The following TMTC4 variants were observed in gnomAD, a reference collection of about 807,000 sequenced individuals.
The protein encoded by TMTC4 is transmembrane O-mannosyltransferase targeting cadherins 4.
A neutral mutation model predicts 86.0 loss-of-function variants in TMTC4; 65 were observed. The observed-to-expected ratio is 0.76, with a 90% confidence interval of 0.62 to 0.93. TMTC4 has a LOEUF of 0.93. Among genes scored for constraint, TMTC4 ranks in the 40% least tolerant of loss-of-function variants. The probability of loss-of-function intolerance (pLI) is 0.00; values close to 1 mark genes in which losing one functional copy is unlikely to be tolerated. For synonymous variants in TMTC4, 379 were observed against 382.5 expected (o/e 0.99, Z 0.11); for missense variants, 866 against 948.1 (o/e 0.91, Z 1.14).
chr13:100,611,832 T>C (rs1877630827), intron 17 of TMTC4, among the ~76,000 whole-genome samples: 1 of 152,200 alleles, frequency 6.6e-6, no homozygotes, highest in Non-Finnish European at 1.5e-5. Flanking sequence ...TTGTGGTTTT[T>C]GTTGGTCAGA....
At chr13:100,623,944 G>C (rs1264253228) in intron 15 of TMTC4, 2 of 468,644 alleles carry the variant, frequency 4.3e-6, no homozygotes, top group African/African-American at 4.0e-5. Flanking sequence ...GCTGTCTTTG[G>C]GGGTAGTACA....
At chr13:100,674,219 G>C (rs1323870362) in intron 1 of TMTC4, 15 of 981,454 alleles carry the variant, frequency 1.5e-5, no homozygotes, top group African/African-American at 1.8e-5. Flanking sequence ...CTCCGCAGCC[G>C]AGCGTGGAGT....
chr13:100,659,075 A>G (rs1027957686), intron 5 of TMTC4, among the ~76,000 whole-genome samples: 1 of 152,164 alleles, frequency 6.6e-6, no homozygotes, highest in African/African-American at 2.4e-5. Flanking sequence ...TGAAACACTC[A>G]GAGTTTTCTG....
intron 15 of TMTC4, among the ~76,000 whole-genome samples, chr13:100,615,303 A>C (rs1033250152): frequency 1.3e-5 from 2 of 150,858 alleles, no homozygotes; most frequent in Admixed American, 6.6e-5. Context: ...ATGCCCGGCA[A>C]ATTTTTTCTA....
intron 15 of TMTC4, chr13:100,625,161 ATT>A (rs1880262127): frequency 4.4e-6 from 1 of 227,116 alleles, no homozygotes; most frequent in Non-Finnish European, 8.9e-6. Context: ...CATACTACGG[ATT>A]TGTTACTTTA....
At chr13:100,664,748 C>G (rs542122976) in intron 3 of TMTC4, among the ~76,000 whole-genome samples, 3 of 152,294 alleles carry the variant, frequency 2.0e-5, no homozygotes, top group Admixed American at 2.0e-4. Flanking sequence ...CTGAGCTGAT[C>G]CCATCCCTCT....
Position 100,626,169 on chromosome 13 carries a change from T to C in TMTC4, c.1507-19A>G, listed in dbSNP as rs766450233. On this transcript the variant is annotated intron_variant, in intron 12 of 18. Coordinates refer to ENST00000342624, the MANE Select transcript of TMTC4 (RefSeq NM_032813.5). ...AGTGAACCTGCAGACAGAGAATAAT[T>C]GGGCCATCAGCAGACAGACTTCTTG... is the stretch of plus-strand genomic sequence containing the variant. 1 of 1,613,396 alleles carries C rather than the reference T, an allele frequency of 6.2e-7. No homozygotes were observed. The highest frequency in any genetic ancestry group is 2.2e-5 in the East Asian group (1 of 44,870).
At chr13:100,673,590 C>T (rs1484071463) in intron 1 of TMTC4, among the ~76,000 whole-genome samples, 1 of 152,262 alleles carries the variant, frequency 6.6e-6, no homozygotes, top group Non-Finnish European at 1.5e-5. Context: ...CCACCACCAC[C>T]GCCCTCCTCC....
At position 100,605,410 on chromosome 13, in the gene TMTC4, A is replaced by G. The variant is rs1288383885; in HGVS notation, c.2135-268T>C. ...AGTAACATTATTACATAAAGAAGCA[A>G]AAAGAAGAGTACATGCAATGTCTTA... is the stretch of plus-strand genomic sequence containing the variant. On this transcript the variant is annotated intron_variant, in intron 18 of 18. Coordinates refer to ENST00000342624, the MANE Select transcript of TMTC4 (RefSeq NM_032813.5). This position sits in a 1 kb window ranked among gnomAD's most constrained non-coding sequence, Gnocchi z 4.3. 1.3e-5 allele frequency among the ~76,000 whole-genome samples: 2 copies of G among 152,312 alleles called. No homozygotes were observed. The highest frequency in any genetic ancestry group is 2.9e-5 in the Non-Finnish European group (2 of 68,032).
At chr13:100,673,692 T>A (rs1045177175) in intron 1 of TMTC4, among the ~76,000 whole-genome samples, 1 of 152,222 alleles carries the variant, frequency 6.6e-6, no homozygotes, top group Non-Finnish European at 1.5e-5. Flanking sequence ...ACGAGGGCCA[T>A]GGCTGCCTAT....
chr13:100,614,881 T>C (rs1878226652), intron 15 of TMTC4: 3 of 980,910 alleles, frequency 3.1e-6, no homozygotes, highest in Non-Finnish European at 3.6e-6. Flanking sequence ...TTACTTAGAA[T>C]AGTGAACAAA....
At chr13:100,633,459 G>A (rs1881735936) in intron 12 of TMTC4, among the ~76,000 whole-genome samples, 1 of 152,014 alleles carries the variant, frequency 6.6e-6, no homozygotes, top group African/African-American at 2.4e-5. Flanking sequence ...AAAGGGCACT[G>A]CAAGTTTTAA....
chr13:100,669,497 A>C (rs1886804814), intron 2 of TMTC4, among the ~76,000 whole-genome samples: 1 of 152,228 alleles, frequency 6.6e-6, no homozygotes, highest in African/African-American at 2.4e-5. Flanking sequence ...CTGTGTGAGG[A>C]TATGACCTTC....
intron 7 of TMTC4, among the ~76,000 whole-genome samples, chr13:100,640,568 C>T (rs1882878721): frequency 6.6e-6 from 1 of 152,118 alleles, no homozygotes; most frequent in South Asian, 2.1e-4. Flanking sequence ...AATCCCACAA[C>T]TTGGCCAGGC....
At chr13:100,657,057 GATATGCACGTGCCATAAA>G (rs1191937699) in intron 5 of TMTC4, among the ~76,000 whole-genome samples, 16 of 152,068 alleles carry the variant, frequency 1.1e-4, no homozygotes, top group Non-Finnish European at 1.9e-4. Flanking sequence ...CACAGACGGC[GATATGCACGTGCCATAAA>G]AACTGTGTTC....
At chr13:100,611,572 G>A (rs1243125491) in intron 17 of TMTC4, among the ~76,000 whole-genome samples, 1 of 152,074 alleles carries the variant, frequency 6.6e-6, no homozygotes, top group Non-Finnish European at 1.5e-5. Flanking sequence ...GCGAAAGAGC[G>A]AGACTCCGTC....
chr13:100,626,263 A>G, intron 12 of TMTC4, 113 bp from the exon 13 acceptor site: 1 of 1,088,264 alleles, frequency 9.2e-7, no homozygotes, highest in Non-Finnish European at 1.4e-6. Flanking sequence ...AAAAAAAATC[A>G]CCCACCAGAA....
intron 15 of TMTC4, among the ~76,000 whole-genome samples, chr13:100,622,553 G>A (rs1231959793): frequency 1.3e-5 from 2 of 152,068 alleles, no homozygotes; most frequent in Non-Finnish European, 2.9e-5. Flanking sequence ...GGTTTTATAA[G>A]GGGAAACCTC....
At chr13:100,622,818 G>A (rs897365779) in intron 15 of TMTC4, among the ~76,000 whole-genome samples, 7 of 151,528 alleles carry the variant, frequency 4.6e-5, no homozygotes, top group South Asian at 2.1e-4. Flanking sequence ...GCGTACATGT[G>A]CACAATGTGC....
Sources: allele counts gnomAD v4.1 joint callset (sites outside exome capture counted in the v4.1 genomes callset), GRCh38; gene constraint gnomAD v4.1.1; non-coding constraint Gnocchi (gnomAD v3.1); transcripts MANE v1.5; gene names NCBI Gene and HGNC (gene_info 2026-07-23, HGNC 2026-07-21).